The following CPNE1 variants were observed in gnomAD, a reference collection of about 807,000 sequenced individuals.
CPNE1 encodes the protein copine-1.
In CPNE1, 58 loss-of-function variants were observed where a neutral mutation model predicts 63.2. That is an observed-to-expected ratio of 0.92 (90% confidence interval 0.74 to 1.14). The LOEUF (loss-of-function observed/expected upper bound fraction) is 1.14. CPNE1 is among the 50% of genes most tolerant of loss of function. The pLI, the probability that CPNE1 is intolerant of heterozygous loss-of-function variation, is 0.00. For synonymous variants in CPNE1, 237 were observed against 249.0 expected (o/e 0.95, Z 0.45); for missense variants, 672 against 661.7 (o/e 1.02, Z -0.17).
rs747424817 is a variant in CPNE1, at chr20:35,631,566, C to T, written c.640G>A (p.Asp214Asn). Residue 214 changes from aspartate to asparagine, a missense_variant, in exon 8 of 16, where the codon GAT (aspartate) becomes AAT (asparagine). Coordinates refer to ENST00000397443, the MANE Select transcript of CPNE1 (RefSeq NM_152925.3). Reference protein sequence around the residue: ...PSTPIQVQCSDYDSDGSHDLI... With the variant: ...PSTPIQVQCSNYDSDGSHDLI... ...TCATGTGACCCGTCACTGTCATAAT[C>T]GGAGCATTGCACCTGAGGGAAAGGT... 6.8e-6 allele frequency: 11 copies of T among 1,613,818 alleles called. No homozygotes were observed. The African/African-American group carries it at 8.0e-5, about 12-fold the overall frequency.
At chr20:35,630,534 G>C in intron 12 of CPNE1, 44 bp from the exon 13 acceptor site, 2 of 1,601,640 alleles carry the variant, frequency 1.2e-6, no homozygotes, top group Non-Finnish European at 1.7e-6. Context: ...CATGACCTCT[G>C]CTAAGAATGA....
intron 1 of CPNE1, chr20:35,653,703 G>GT (rs1568936163): frequency 6.2e-7 from 1 of 1,614,228 alleles, no homozygotes. Context: ...CTTTGGCAGA[G>GT]TTGACATCCC....
intron 1 of CPNE1, chr20:35,654,090 T>C (rs758674293): frequency 1.2e-6 from 2 of 1,614,238 alleles, no homozygotes; most frequent in Non-Finnish European, 1.7e-6. Flanking sequence ...TGGGCGATTT[T>C]GACCTGGGAA....
chr20:35,647,156 C>CA (rs796090345), intron 1 of CPNE1, among the ~76,000 whole-genome samples: 206 of 151,068 alleles, frequency 1.4e-3, no homozygotes, highest in African/African-American at 4.8e-3. Flanking sequence ...ACTAAAAATA[C>CA]AAAAAAAATT....
rs746823674 is a variant in CPNE1, at chr20:35,632,903, C to G, written c.21G>C (p.Leu7Phe). The G allele has an allele frequency of 1.1e-6, 1 of 872,684 alleles. No individual in the cohort carries two copies. Among genetic ancestry groups the G allele is most frequent in the South Asian group, 1.3e-5 (1 of 76,484 alleles). 54.1% of individuals were successfully genotyped at this position (872,684 alleles called of 1,614,324 possible). A position where few individuals can be genotyped will look rare whatever the true frequency, so the allele number is the denominator to read the frequency against. The change falls in exon 2 of 16, where the codon TTG becomes TTC. Residue 7 changes from leucine to phenylalanine, a missense_variant. Leu to Phe is a conservative substitution (Grantham distance 22). Transcript: ENST00000397443. Reference protein sequence around the residue: MAHCVTLVQLSISCDHL... With the variant: MAHCVTFVQLSISCDHL... ...GGTCACAGGAAATGGACAGCTGAACCAAGGTCACGCAGTGGGCCATCTGAG... is the reference window on the plus strand; with the variant it reads ...GGTCACAGGAAATGGACAGCTGAACGAAGGTCACGCAGTGGGCCATCTGAG...
chr20:35,652,371 G>A, intron 1 of CPNE1: 1 of 842,362 alleles, frequency 1.2e-6, no homozygotes, highest in South Asian at 1.8e-5. Flanking sequence ...TGAGTCTTCT[G>A]TAAACAGTCA....
At chr20:35,661,976 T>C (rs1352592337) in intron 1 of CPNE1, among the ~76,000 whole-genome samples, 1 of 152,200 alleles carries the variant, frequency 6.6e-6, no homozygotes, top group Non-Finnish European at 1.5e-5. Flanking sequence ...CTAAAAACAG[T>C]ATAATCACAT....
intron 1 of CPNE1, among the ~76,000 whole-genome samples, chr20:35,643,725 C>CT: frequency 6.6e-6 from 1 of 152,154 alleles, no homozygotes; most frequent in Non-Finnish European, 1.5e-5. Context: ...GAGTGAGACT[C>CT]TGTTGCGAAA....
Position 35,631,053 on chromosome 20 carries a change from G to A in CPNE1, c.862-19C>T, listed in dbSNP as rs773468006. 2.9e-5 allele frequency: 47 copies of A among 1,614,058 alleles called. No individual in the cohort carries two copies. In the Admixed American group the frequency reaches 3.3e-4, roughly 11 times the overall value. ...CGCCCACCTGGGAGGAGGTGAGGAA[G>A]GCAGCTAAAGGCCACCCTGAGCCCC... On this transcript the variant is annotated intron_variant, in intron 10 of 15. Coordinates refer to ENST00000397443, the MANE Select transcript of CPNE1 (RefSeq NM_152925.3).
At chr20:35,661,767 AC>A (rs1348557903) in intron 1 of CPNE1, among the ~76,000 whole-genome samples, 1 of 152,258 alleles carries the variant, frequency 6.6e-6, no homozygotes, top group African/African-American at 2.4e-5. Context: ...AAGTCAAGGC[AC>A]AAACTAAAAC....
chr20:35,630,956 T>C lies in CPNE1; in HGVS notation c.940A>G (p.Asn314Asp). 1 of 1,613,958 alleles carries C rather than the reference T, an allele frequency of 6.2e-7. No individual in the cohort carries two copies. The highest frequency in any genetic ancestry group is 8.5e-7 in the Non-Finnish European group (1 of 1,179,898). The change falls in exon 11 of 16, where the codon AAT (asparagine) becomes GAT (aspartate). Residue 314 changes from asparagine (N) to aspartate (D), a missense_variant. By Grantham distance (23) the Asn-to-Asp change is conservative (BLOSUM62 1). Coordinates refer to ENST00000397443, the MANE Select transcript of CPNE1 (RefSeq NM_152925.3). ...CTCCACAGTGCCATCAGGTACTCAT[T>C]GACCCCTGTTGGACTCAGGTAGTGT... ...SLHYLSPTGV[N>D]EYLMALWSVG...
intron 1 of CPNE1, among the ~76,000 whole-genome samples, chr20:35,648,522 T>C (rs1409434301): frequency 2.0e-5 from 3 of 152,232 alleles, no homozygotes; most frequent in South Asian, 2.1e-4. Flanking sequence ...GATTTGTCCA[T>C]TGCTTAGTCA....
At chr20:35,654,821 T>C in intron 1 of CPNE1, 1 of 1,614,194 alleles carries the variant, frequency 6.2e-7, no homozygotes, top group Non-Finnish European at 8.5e-7. Context: ...AACGTTGGGC[T>C]CCCAAAGGAA....
intron 13 of CPNE1, 42 bp from the exon 14 acceptor site, chr20:35,627,455 T>C: frequency 6.2e-7 from 1 of 1,606,450 alleles, no homozygotes; most frequent in Non-Finnish European, 8.5e-7. Context: ...CCTGGACCTC[T>C]CAGGACTACA....
In CPNE1 at chr20:35,654,577, G is replaced by A. The variant is rs199976167; in HGVS notation, c.-1+10183C>T. ...AGCAGGTAGAGGTGCCACAGGTGGCGGATTCAAGGGCGGCATGCCCGACAT... is the reference window on the plus strand; with the variant it reads ...AGCAGGTAGAGGTGCCACAGGTGGCAGATTCAAGGGCGGCATGCCCGACAT... On this transcript the variant is annotated intron_variant, in intron 1 of 15. Transcript: ENST00000397443. 2.7e-5 allele frequency: 43 copies of A among 1,614,082 alleles called. No homozygotes were observed. The highest frequency in any genetic ancestry group is 1.7e-5 in the Admixed American group (1 of 59,996).
chr20:35,639,358 A>G (rs914493957), intron 1 of CPNE1, among the ~76,000 whole-genome samples: 6 of 151,548 alleles, frequency 4.0e-5, no homozygotes, highest in Non-Finnish European at 7.4e-5. Context: ...TTTTTTTTAG[A>G]CAGAGTCTCA....
chr20:35,648,404 T>C (rs1028764358), intron 1 of CPNE1, among the ~76,000 whole-genome samples: 5 of 152,202 alleles, frequency 3.3e-5, no homozygotes, highest in Admixed American at 3.3e-4. Context: ...ATGAATTACA[T>C]AACTGATCTC....
chr20:35,643,529 G>A (rs1020839462), intron 1 of CPNE1: 1 of 152,174 alleles, frequency 6.6e-6, no homozygotes, highest in Admixed American at 6.6e-5. Context: ...GATCACCTGA[G>A]GTCAGGAGTT....
intron 1 of CPNE1, among the ~76,000 whole-genome samples, chr20:35,634,294 G>A (rs1359479977): frequency 2.7e-5 from 4 of 145,682 alleles, no homozygotes; most frequent in African/African-American, 1.0e-4. Context: ...GTCATATCAC[G>A]CCTCTGCCTG....
Sources: gnomAD v4.1 joint callset for allele counts (sites outside exome capture counted in the v4.1 genomes callset) on GRCh38, gnomAD v4.1.1 for gene constraint, MANE v1.5 for transcripts, NCBI Gene and HGNC (gene_info 2026-07-23, HGNC 2026-07-21) for gene names.